Variants in ATP8A2 observed in about 807,000 individuals in gnomAD.
The protein encoded by ATP8A2 is ATPase phospholipid transporting 8A2.
ATP8A2 carries 100 observed loss-of-function variants against 165.6 expected under a neutral mutation model. The observed-to-expected ratio is 0.60, with a 90% CI of 0.51 to 0.71. The LOEUF is 0.71. ATP8A2 is among the 30% of genes least tolerant of loss of function. The pLI, the probability that ATP8A2 is intolerant of heterozygous loss-of-function variation, is 0.00. For synonymous variants in ATP8A2, 543 were observed against 548.8 expected (o/e 0.99, Z 0.15); for missense variants, 1,227 against 1,479.5 (o/e 0.83, Z 2.80).
At chr13:25,437,515 T>C (rs1043402915) in intron 1 of ATP8A2, among the ~76,000 whole-genome samples, 4 of 152,226 alleles carry the variant, frequency 2.6e-5, no homozygotes, top group Admixed American at 6.5e-5. Flanking sequence ...ATCAAAGCTC[T>C]TATATAAAGT....
chr13:25,523,547 G>GT (rs1457791890), intron 2 of ATP8A2, among the ~76,000 whole-genome samples: 3 of 152,076 alleles, frequency 2.0e-5, no homozygotes, highest in South Asian at 2.1e-4. Context: ...TTAGTTACTT[G>GT]TTATTGATTG....
At chr13:25,981,009 T>G (rs1429712799) in intron 35 of ATP8A2, among the ~76,000 whole-genome samples, 1 of 152,244 alleles carries the variant, frequency 6.6e-6, no homozygotes, top group Non-Finnish European at 1.5e-5. Flanking sequence ...CAATTGGCGT[T>G]AGCAATGAGT....
intron 27 of ATP8A2, among the ~76,000 whole-genome samples, chr13:25,788,726 A>G (rs1219113723): frequency 6.6e-6 from 1 of 152,258 alleles, no homozygotes; most frequent in African/African-American, 2.4e-5. Context: ...CACCATGATT[A>G]CATCTGTTAG....
In ATP8A2 at chr13:25,538,695, C is replaced by G. The variant is rs944837610; in HGVS notation, c.581+634C>G. The stretch of plus-strand genomic sequence containing the variant: ...CCAAAATTAGGGCAAGAATTGACAT[C>G]TATTCTTGAATTCAAGATTAAATTG... On this transcript the variant is annotated intron_variant, in intron 7 of 36. Coordinates refer to ENST00000381655, the MANE Select transcript of ATP8A2 (RefSeq NM_016529.6). 2.7e-4 allele frequency among the ~76,000 whole-genome samples: 41 copies of G among 152,168 alleles called. 1 individual carries two copies. Among genetic ancestry groups the G allele is most frequent in the Non-Finnish European group, 8.8e-5 (6 of 68,038 alleles).
chr13:25,480,067 G>T (rs542613552), intron 2 of ATP8A2, among the ~76,000 whole-genome samples: 44 of 152,156 alleles, frequency 2.9e-4, no homozygotes, highest in Admixed American at 2.2e-3. Context: ...AGTAGGGGCG[G>T]CTGGGCAGAG....
intron 27 of ATP8A2, among the ~76,000 whole-genome samples, chr13:25,780,506 G>T (rs2044849130): frequency 6.6e-6 from 1 of 152,020 alleles, no homozygotes; most frequent in Non-Finnish European, 1.5e-5. Flanking sequence ...CAGCAATTTG[G>T]GGACCAAATG....
chr13:25,465,378 G>A (rs2035606874), intron 1 of ATP8A2, among the ~76,000 whole-genome samples: 2 of 152,120 alleles, frequency 1.3e-5, no homozygotes, highest in African/African-American at 2.4e-5. Context: ...GGTTTTCCCT[G>A]TTGTGGTATA....
chr13:25,784,999 A>G (rs563906875), intron 27 of ATP8A2, among the ~76,000 whole-genome samples: 40 of 152,046 alleles, frequency 2.6e-4, no homozygotes, highest in Admixed American at 2.6e-3. Flanking sequence ...TCCTAGCCTC[A>G]TGATCTGCCT....
intron 24 of ATP8A2, among the ~76,000 whole-genome samples, chr13:25,662,189 A>AGG (rs1387960142): frequency 2.6e-5 from 4 of 152,178 alleles, no homozygotes; most frequent in African/African-American, 9.7e-5. Context: ...AGATTTCTAG[A>AGG]AGAGTACATA....
In ATP8A2 at chr13:25,741,747, T is replaced by C. The variant is rs542164046; in HGVS notation, c.2385-27299T>C. 2.6e-5 allele frequency among the ~76,000 whole-genome samples: 4 copies of C among 152,296 alleles called. 1 individual carries two copies. The South Asian group carries it at 8.3e-4, about 32-fold the overall frequency. ...ATCTTCAACTAAAATACAACCTTCA[T>C]AAAATGAGGGCTCAACATCACAGAA... On this transcript the variant is annotated intron_variant, in intron 25 of 36. Coordinates refer to ENST00000381655, the MANE Select transcript of ATP8A2 (RefSeq NM_016529.6).
At chr13:25,512,325 C>A (rs1436654572) in intron 2 of ATP8A2, among the ~76,000 whole-genome samples, 1 of 152,134 alleles carries the variant, frequency 6.6e-6, no homozygotes, top group African/African-American at 2.4e-5. Context: ...AATCTTTTCC[C>A]CACCTTTCCC....
At chr13:25,730,432 T>TCTA (rs1310991092) in intron 25 of ATP8A2, among the ~76,000 whole-genome samples, 2 of 152,170 alleles carry the variant, frequency 1.3e-5, no homozygotes, top group Non-Finnish European at 2.9e-5. Flanking sequence ...GGGGACTACT[T>TCTA]TCTATTACAC....
chr13:25,756,080 C>T (rs2044254687), intron 25 of ATP8A2, among the ~76,000 whole-genome samples: 1 of 152,218 alleles, frequency 6.6e-6, no homozygotes, highest in Non-Finnish European at 1.5e-5. Context: ...GGGAAGGGCA[C>T]TCCCAGCCAG....
rs568902129 is a variant in ATP8A2, at chr13:25,859,242, A to C, written c.2957-953A>C. 1.2e-4 allele frequency among the ~76,000 whole-genome samples: 18 copies of C among 152,158 alleles called. No individual in the cohort carries two copies. The South Asian group carries it at 2.1e-3, about 18-fold the overall frequency. The stretch of plus-strand genomic sequence containing the variant: ...CAAAACAAAACAAAAACAAAAAAAA[A>C]CACTACCCATTGGGTACTATGCTTA... On this transcript the variant is annotated intron_variant, in intron 30 of 36. Transcript: ENST00000381655.
At position 25,630,078 on chromosome 13, in the gene ATP8A2, TC is replaced by T. The variant is rs34642362; in HGVS notation, c.2211+40388del. Among the ~76,000 whole-genome samples, 298 of 147,992 alleles carry T rather than the reference TC, an allele frequency of 2.0e-3. 3 individuals are homozygous for T. In the Middle Eastern group the frequency reaches 0.021, roughly 10 times the overall value. Reference sequence around the variant, plus strand: ...TCATGCTGTTTAAGACACCTTTTTGTCCCCCCCCCACCACCAAACAGGGAAC... The same window carrying T: ...TCATGCTGTTTAAGACACCTTTTTGTCCCCCCCCACCACCAAACAGGGAAC... On this transcript the variant is annotated intron_variant, in intron 24 of 36. Coordinates refer to ENST00000381655, the MANE Select transcript of ATP8A2 (RefSeq NM_016529.6).
In ATP8A2 at chr13:25,372,097, A is replaced by G; in HGVS notation, c.-116A>G. 2 of 665,782 alleles carry G rather than the reference A, an allele frequency of 3.0e-6. No homozygotes were observed. The highest frequency in any genetic ancestry group is 4.1e-6 in the Non-Finnish European group (2 of 483,200). 41.2% of individuals were successfully genotyped at this position (665,782 alleles called of 1,614,324 possible). On this transcript the variant is annotated 5_prime_UTR_variant, in exon 1 of 37. It removes the in-frame stop codon of an upstream open reading frame in the 5' UTR. Transcript: ENST00000381655. This position sits in a 1 kb window ranked among gnomAD's most constrained non-coding sequence, Gnocchi z 4.8. The stretch of plus-strand genomic sequence containing the variant: ...CAGGCGCCGGCGGTCCCCGCCAGCT[A>G]GCAGCCCGGCGAGGCGCTGGCCCAC...
At chr13:25,621,467 T>A (rs2040966119) in intron 24 of ATP8A2, among the ~76,000 whole-genome samples, 1 of 152,234 alleles carries the variant, frequency 6.6e-6, no homozygotes, top group Non-Finnish European at 1.5e-5. Context: ...CCAAATATTC[T>A]TATATTCTAT....
intron 25 of ATP8A2, among the ~76,000 whole-genome samples, chr13:25,709,290 A>G (rs1353731319): frequency 6.6e-6 from 1 of 152,220 alleles, no homozygotes; most frequent in African/African-American, 2.4e-5. Flanking sequence ...AAATACACCA[A>G]GTTGAAGATA....
At chr13:25,786,020 G>GGGA (rs1378027317) in intron 27 of ATP8A2, among the ~76,000 whole-genome samples, 2 of 152,046 alleles carry the variant, frequency 1.3e-5, no homozygotes, top group African/African-American at 4.8e-5. Flanking sequence ...TTTGACCCTC[G>GGGA]GTTTTAAAAC....
Sources: gnomAD v4.1 joint callset for allele counts (sites outside exome capture counted in the v4.1 genomes callset) on GRCh38, gnomAD v4.1.1 for gene constraint, Gnocchi (gnomAD v3.1) non-coding constraint, MANE v1.5 for transcripts, NCBI Gene and HGNC (gene_info 2026-07-23, HGNC 2026-07-21) for gene names.